The following CRYL1 variants were observed in gnomAD, a reference collection of about 807,000 sequenced individuals.
CRYL1 encodes the protein crystallin lambda 1, also known as lambda-crystallin homolog.
Under a neutral mutation model 36.6 loss-of-function variants are expected in CRYL1, and 29 were observed. That is an observed-to-expected ratio of 0.79 (90% CI 0.59 to 1.08). The LOEUF (loss-of-function observed/expected upper bound fraction) is 1.08, where lower values mean the gene tolerates loss of function less well. Ranked by LOEUF, CRYL1 falls within the 50% of genes least tolerant of loss-of-function variation. The pLI is 0.00. For missense variants in CRYL1, 411 were observed against 407.9 expected (o/e 1.01, Z -0.06); for synonymous variants, 152 against 151.5 (o/e 1.00, Z -0.02).
At chr13:20,522,558 A>G (rs74038908) in intron 1 of CRYL1, among the ~76,000 whole-genome samples, 4,477 of 152,254 alleles carry the variant, frequency 0.029, 230 homozygotes, top group African/African-American at 0.1. Flanking sequence ...CTATCTGTCT[A>G]TTGGGACCAC....
chr13:20,482,464 G>A (rs1210541106), intron 3 of CRYL1, among the ~76,000 whole-genome samples: 2 of 152,188 alleles, frequency 1.3e-5, no homozygotes, highest in African/African-American at 4.8e-5. Context: ...GCTTTTCAGA[G>A]TAAACTTATT....
chr13:20,482,065 T>C (rs1186943208), intron 3 of CRYL1, among the ~76,000 whole-genome samples: 1 of 151,882 alleles, frequency 6.6e-6, no homozygotes, highest in African/African-American at 2.4e-5. Context: ...AGAAATATTC[T>C]GAGTCTCAGT....
intron 5 of CRYL1, chr13:20,430,504 G>T (rs2032035115): frequency 1.0e-6 from 1 of 985,250 alleles, no homozygotes; most frequent in South Asian, 4.7e-5. Context: ...CAAAAGCAGG[G>T]TGGACATCGT....
intron 2 of CRYL1, among the ~76,000 whole-genome samples, chr13:20,491,306 T>A (rs1290728052): frequency 6.6e-6 from 1 of 152,118 alleles, no homozygotes; most frequent in Non-Finnish European, 1.5e-5. Context: ...AATCTACTTA[T>A]CTTAAAATAG....
At chr13:20,507,415 T>A (rs968042280) in intron 2 of CRYL1, among the ~76,000 whole-genome samples, 31 of 152,182 alleles carry the variant, frequency 2.0e-4, no homozygotes, top group Admixed American at 2.0e-4. Context: ...CCTACAATAT[T>A]TACTATCTGG....
In CRYL1 at chr13:20,504,053, T is replaced by C. The variant is rs2033750144; in HGVS notation, c.149+8390A>G. 2.0e-5 allele frequency among the ~76,000 whole-genome samples: 3 copies of C among 152,142 alleles called. No individual in the cohort carries two copies. The South Asian group carries it at 6.2e-4, about 32-fold the overall frequency. ...ATCGAAGCGTACAGGCCCCTAAAGATGGCGATTTCAGATAGGGACTCAGGC... is the reference window on the plus strand; with the variant it reads ...ATCGAAGCGTACAGGCCCCTAAAGACGGCGATTTCAGATAGGGACTCAGGC... On this transcript the variant is annotated intron_variant, in intron 2 of 7. Coordinates refer to ENST00000298248, the MANE Select transcript of CRYL1 (RefSeq NM_015974.3).
chr13:20,439,780 A>G (rs750478049), intron 3 of CRYL1, 26 bp from the exon 4 acceptor site: 126 of 1,605,622 alleles, frequency 7.8e-5, no homozygotes, highest in Non-Finnish European at 1.0e-4. Context: ...TTAAATGACT[A>G]TTCATGACCA....
At chr13:20,466,069 G>A (rs573816536) in intron 3 of CRYL1, among the ~76,000 whole-genome samples, 5 of 152,194 alleles carry the variant, frequency 3.3e-5, no homozygotes, top group Admixed American at 2.6e-4. Flanking sequence ...ACCAGAAGCC[G>A]GGTAGATGCC....
chr13:20,488,859 A>T (rs1593480845), intron 3 of CRYL1, among the ~76,000 whole-genome samples: 1 of 152,142 alleles, frequency 6.6e-6, no homozygotes, highest in Non-Finnish European at 1.5e-5. Context: ...TGCAGGGACC[A>T]CTCACCTCTC....
At chr13:20,450,359 A>G (rs751730641) in intron 3 of CRYL1, among the ~76,000 whole-genome samples, 6 of 152,224 alleles carry the variant, frequency 3.9e-5, no homozygotes, top group Non-Finnish European at 7.4e-5. Flanking sequence ...TTATTCAATA[A>G]ATGGTGCTGG....
chr13:20,407,125 C>G (rs1373796679), intron 6 of CRYL1, among the ~76,000 whole-genome samples: 3 of 150,840 alleles, frequency 2.0e-5, no homozygotes, highest in African/African-American at 7.3e-5. Flanking sequence ...ACTTATCATG[C>G]TGGAATTCAT....
intron 3 of CRYL1, among the ~76,000 whole-genome samples, chr13:20,470,214 T>C (rs557825857): frequency 6.6e-6 from 1 of 152,334 alleles, no homozygotes; most frequent in African/African-American, 2.4e-5. Flanking sequence ...TTCTGGTTCA[T>C]GGAAAGCCTC....
At chr13:20,523,153 G>A (rs898728967) in intron 1 of CRYL1, among the ~76,000 whole-genome samples, 5 of 152,000 alleles carry the variant, frequency 3.3e-5, no homozygotes, top group Admixed American at 3.3e-4. Context: ...CTGACCTCAG[G>A]TGATCTGCCC....
At chr13:20,515,192 G>A (rs1312024280) in intron 1 of CRYL1, among the ~76,000 whole-genome samples, 1 of 152,178 alleles carries the variant, frequency 6.6e-6, no homozygotes, top group East Asian at 1.9e-4. Context: ...AGGGGAGGAA[G>A]GAATGAAAAG....
intron 3 of CRYL1, 91 bp from the exon 4 acceptor site, chr13:20,439,845 C>T: frequency 7.9e-7 from 1 of 1,266,956 alleles, no homozygotes. Context: ...CTCAAATGAA[C>T]CACTTTGAAA....
intron 2 of CRYL1, among the ~76,000 whole-genome samples, chr13:20,511,263 TTTTTTTTCTGTAGAG>T (rs1349596263): frequency 6.6e-6 from 1 of 151,856 alleles, no homozygotes; most frequent in Non-Finnish European, 1.5e-5. Flanking sequence ...TATTTTTTTC[TTTTTTTTCTGTAGAG>T]ACGGGGTCTC....
At chr13:20,520,815 T>C (rs889177308) in intron 1 of CRYL1, among the ~76,000 whole-genome samples, 2 of 151,978 alleles carry the variant, frequency 1.3e-5, no homozygotes, top group Non-Finnish European at 2.9e-5. Context: ...CTCTTGAAAA[T>C]TGGACCCGGG....
In CRYL1 at chr13:20,415,307, T is replaced by C. The variant is rs938605277; in HGVS notation, c.634-1920A>G. ...GGGGCGCCTGGGCCTGGCCTCGAGGTTCCTGGGCCTCCAGGGCAGCCCCAG... is the reference window on the plus strand; with the variant it reads ...GGGGCGCCTGGGCCTGGCCTCGAGGCTCCTGGGCCTCCAGGGCAGCCCCAG... On this transcript the variant is annotated intron_variant, in intron 5 of 7. Transcript: ENST00000298248. This position sits in a 1 kb window ranked among gnomAD's most constrained non-coding sequence, Gnocchi z 4.1. 4.6e-5 allele frequency among the ~76,000 whole-genome samples: 7 copies of C among 152,036 alleles called. No homozygotes were observed. The highest frequency in any genetic ancestry group is 1.0e-4 in the Non-Finnish European group (7 of 67,916).
intron 3 of CRYL1, among the ~76,000 whole-genome samples, chr13:20,456,903 T>A (rs1238415915): frequency 6.6e-6 from 1 of 152,182 alleles, no homozygotes; most frequent in Non-Finnish European, 1.5e-5. Flanking sequence ...ACTTTGCCTC[T>A]CAGCTGCACA....
Sources: gnomAD v4.1 joint callset for allele counts (sites outside exome capture counted in the v4.1 genomes callset) on GRCh38, gnomAD v4.1.1 for gene constraint, Gnocchi (gnomAD v3.1) non-coding constraint, MANE v1.5 for transcripts, NCBI Gene and HGNC (gene_info 2026-07-23, HGNC 2026-07-21) for gene names.